Variants in DLGAP4 observed in about 807,000 individuals in gnomAD.
DLGAP4 encodes the protein disks large-associated protein 4.
In DLGAP4, 18 loss-of-function variants were observed where a neutral mutation model predicts 86.9. The observed-to-expected ratio is 0.21, with a 90% CI of 0.14 to 0.31. The LOEUF is 0.31. Ranked by LOEUF, DLGAP4 falls within the 10% of genes least tolerant of loss-of-function variation. DLGAP4 has a pLI of 1.00. For synonymous variants in DLGAP4, 548 were observed against 574.3 expected, an observed-to-expected ratio of 0.95 and a Z score of 0.65; for missense variants, 1,085 against 1,362.6, an observed-to-expected ratio of 0.80 and a Z score of 3.21.
intron 1 of DLGAP4, among the ~76,000 whole-genome samples, chr20:36,351,165 C>T (rs1217781840): frequency 6.6e-6 from 1 of 152,202 alleles, no homozygotes; most frequent in Non-Finnish European, 1.5e-5. Flanking sequence ...CCCACTGCTC[C>T]CACTCTGTTG....
intron 2 of DLGAP4, among the ~76,000 whole-genome samples, chr20:36,386,938 G>C (rs958219539): frequency 6.6e-6 from 1 of 152,088 alleles, no homozygotes; most frequent in Non-Finnish European, 1.5e-5. Context: ...TGCAGCTGTA[G>C]CTCGTTCATT....
intron 1 of DLGAP4, among the ~76,000 whole-genome samples, chr20:36,347,939 C>G (rs2029999873): frequency 6.6e-6 from 1 of 152,088 alleles, no homozygotes; most frequent in Non-Finnish European, 1.5e-5. Context: ...ACCTAGACTT[C>G]TTCAATAAAG....
At position 36,432,502 on chromosome 20, in the gene DLGAP4, C is replaced by A; in HGVS notation, c.785C>A (p.Thr262Asn). The A allele has an allele frequency of 3.7e-6, 6 of 1,613,340 alleles. No individual in the cohort carries two copies. The highest frequency in any genetic ancestry group is 5.1e-6 in the Non-Finnish European group (6 of 1,180,008). The change falls in exon 3 of 13, where the codon ACT becomes AAT. Residue 262 changes from threonine (T) to asparagine (N), a missense_variant. Thr to Asn is a moderately conservative substitution (Grantham distance 65). Coordinates refer to ENST00000339266, the MANE Select transcript of DLGAP4 (RefSeq NM_001365621.2). This position sits in a 1 kb window ranked among gnomAD's most constrained non-coding sequence, Gnocchi z 6.5. ...HMLKTTKNNT[T>N]ELTAPPPPPA... Reference sequence around the variant, plus strand: ...CTCAAAACCACCAAGAACAACACTACTGAGCTGACTGCCCCACCACCCCCG... The same window carrying A: ...CTCAAAACCACCAAGAACAACACTAATGAGCTGACTGCCCCACCACCCCCG...
At chr20:36,346,715 AT>A (rs1254616034) in intron 1 of DLGAP4, among the ~76,000 whole-genome samples, 154 of 150,732 alleles carry the variant, frequency 1.0e-3, no homozygotes, top group African/African-American at 3.2e-3. Flanking sequence ...TTTAGGACCC[AT>A]TTTTTTTTAA....
intron 1 of DLGAP4, among the ~76,000 whole-genome samples, chr20:36,334,625 G>A (rs193261482): frequency 2.0e-5 from 3 of 152,288 alleles, no homozygotes; most frequent in African/African-American, 4.8e-5. Context: ...AGGTCAAGGC[G>A]AGGGGCCAAC....
intron 3 of DLGAP4, among the ~76,000 whole-genome samples, chr20:36,435,016 C>G (rs892437911): frequency 6.6e-6 from 1 of 151,156 alleles, no homozygotes; most frequent in Non-Finnish European, 1.5e-5. Context: ...GTTGCTGGCG[C>G]GAATGTCCAG....
intron 1 of DLGAP4, among the ~76,000 whole-genome samples, chr20:36,361,545 G>T (rs2147404188): frequency 6.6e-6 from 1 of 152,322 alleles, no homozygotes; most frequent in African/African-American, 2.4e-5. Flanking sequence ...GAGAAGATGG[G>T]CCAGGGAGGC....
chr20:36,388,185 C>T (rs146973851), intron 2 of DLGAP4, among the ~76,000 whole-genome samples: 17 of 152,320 alleles, frequency 1.1e-4, no homozygotes, highest in African/African-American at 2.9e-4. Flanking sequence ...CAAGCCTCCC[C>T]GTCCCCACTT....
At chr20:36,406,324 G>A (rs1243918962) in intron 2 of DLGAP4, among the ~76,000 whole-genome samples, 1 of 151,706 alleles carries the variant, frequency 6.6e-6, no homozygotes, top group African/African-American at 2.4e-5. Context: ...CGTGAACCTG[G>A]GAGGCGGAGC....
chr20:36,400,391 T>G (rs1222802906), intron 2 of DLGAP4, among the ~76,000 whole-genome samples: 2 of 152,202 alleles, frequency 1.3e-5, no homozygotes, highest in African/African-American at 4.8e-5. Flanking sequence ...TACGCCTTCT[T>G]GACGAGTTGT....
chr20:36,400,782 C>G (rs1484245447), intron 2 of DLGAP4, among the ~76,000 whole-genome samples: 1 of 151,248 alleles, frequency 6.6e-6, no homozygotes, highest in Non-Finnish European at 1.5e-5. Flanking sequence ...GGCAGAAGAC[C>G]AGTGACGTGC....
chr20:36,384,512 G>T (rs940971604), intron 2 of DLGAP4, among the ~76,000 whole-genome samples: 5 of 152,150 alleles, frequency 3.3e-5, no homozygotes, highest in East Asian at 1.9e-4. Flanking sequence ...CATGTTAAAG[G>T]TGAGCAAACT....
chr20:36,446,612 C>T (rs1006741458), intron 6 of DLGAP4, 85 bp from the exon 7 acceptor site: 1 of 1,346,472 alleles, frequency 7.4e-7, no homozygotes, highest in Non-Finnish European at 1.0e-6. Context: ...ACTGTCCAGC[C>T]CTGCCCTGAG....
At chr20:36,523,421 T>G (rs1325902320) in intron 10 of DLGAP4, among the ~76,000 whole-genome samples, 5 of 152,268 alleles carry the variant, frequency 3.3e-5, no homozygotes, top group African/African-American at 1.2e-4. Context: ...TGCTTATACT[T>G]TAAGACTTCT....
At chr20:36,523,110 G>A (rs992386371) in intron 10 of DLGAP4, among the ~76,000 whole-genome samples, 1 of 152,094 alleles carries the variant, frequency 6.6e-6, no homozygotes, top group African/African-American at 2.4e-5. Context: ...TGAGGCAGGG[G>A]GTCTCACTCT....
intron 2 of DLGAP4, among the ~76,000 whole-genome samples, chr20:36,394,510 G>C (rs2031884539): frequency 6.6e-6 from 1 of 152,222 alleles, no homozygotes; most frequent in African/African-American, 2.4e-5. Flanking sequence ...TCATTAAGTG[G>C]CTTCTGCAGT....
intron 2 of DLGAP4, among the ~76,000 whole-genome samples, chr20:36,409,019 T>C (rs2032406480): frequency 6.7e-6 from 1 of 150,176 alleles, no homozygotes; most frequent in Admixed American, 6.8e-5. Context: ...TCTAAAACTA[T>C]TGCCAAATAA....
At chr20:36,443,970 C>T (rs941476022) in intron 6 of DLGAP4, among the ~76,000 whole-genome samples, 3 of 152,162 alleles carry the variant, frequency 2.0e-5, no homozygotes, top group East Asian at 1.9e-4. Context: ...GACTTGCCCA[C>T]GTTCACATTG....
rs1600396306 is a variant in DLGAP4, at chr20:36,321,342, T to G, written c.-304+14830T>G. 3.3e-5 allele frequency among the ~76,000 whole-genome samples: 5 copies of G among 152,344 alleles called. No individual in the cohort carries two copies. The South Asian group carries it at 1.0e-3, about 32-fold the overall frequency. On this transcript the variant is annotated intron_variant, in intron 1 of 12. Transcript: ENST00000339266. ...AGAAGACGGGCAGGGATGGGGTCTT[T>G]CAGAGCCTCAAGTGCCAGGCTGAGG...
Sources: gnomAD v4.1 joint callset for allele counts (sites outside exome capture counted in the v4.1 genomes callset) on GRCh38, gnomAD v4.1.1 for gene constraint, Gnocchi (gnomAD v3.1) non-coding constraint, MANE v1.5 for transcripts, NCBI Gene and HGNC (gene_info 2026-07-23, HGNC 2026-07-21) for gene names.